The following ANKMY1 variants were observed in gnomAD, a reference collection of about 807,000 sequenced individuals.
ANKMY1 encodes the protein ankyrin repeat and MYND domain containing 1, also known as ankyrin repeat and MYND domain-containing protein 1.
In ANKMY1, 98 loss-of-function variants were observed where a neutral mutation model predicts 102.0. The ratio of observed to expected loss-of-function variants is 0.96; its 90% CI spans 0.82 to 1.14. The LOEUF is 1.14. ANKMY1 is among the 50% of genes most tolerant of loss of function. ANKMY1 has a pLI of 0.00. For synonymous variants in ANKMY1, 582 were observed against 559.9 expected (o/e 1.04, Z -0.56); for missense variants, 1,330 against 1,347.6 (o/e 0.99, Z 0.20).
Position 240,489,387 on chromosome 2 carries a change from G to A in ANKMY1, c.2807-7126C>T, listed in dbSNP as rs143384480. ...AGGGAGAATTGCTTGAACCTGGGAG[G>A]CAGAGGTTGTAGTGAGCTGAGATTG... On this transcript the variant is annotated intron_variant, in intron 15 of 17. Transcript: ENST00000401804. 9.5e-3 allele frequency among the ~76,000 whole-genome samples: 1,450 copies of A among 152,066 alleles called. 15 individuals are homozygous for A. The highest frequency in any genetic ancestry group is 0.033 in the African/African-American group (1,387 of 41,444).
chr2:240,548,597 T>C lies in ANKMY1; in HGVS notation c.480+4317A>G, dbSNP rs1317981790. On this transcript the variant is annotated intron_variant, in intron 4 of 17. Transcript: ENST00000401804. ...TTGTCCCTGTTTGCAGACGACATGA[T>C]TGTATATCTAGAAAACCCCATTGTC... Among the ~76,000 whole-genome samples the C allele has an allele frequency of 4.0e-4, 60 of 151,870 alleles. 2 individuals carry two copies. Among genetic ancestry groups the C allele is most frequent in the Non-Finnish European group, 8.8e-5 (6 of 67,980 alleles).
At position 240,529,181 on chromosome 2, in the gene ANKMY1, G is replaced by A. The variant is rs2084651567; in HGVS notation, c.809C>T (p.Pro270Leu). The change falls in exon 5 of 18, where the codon CCC becomes CTC. Residue 270 changes from proline (P) to leucine (L), a missense_variant. Pro to Leu is a moderately conservative substitution (Grantham distance 98). Coordinates refer to ENST00000401804, the MANE Select transcript of ANKMY1 (RefSeq NM_001282771.3). The surrounding 1 kb of genome is among the most constrained non-coding windows in gnomAD (Gnocchi z 4.2). Reference sequence around the variant, plus strand: ...CTCTTTGCGGAAAGAGCTTGTCATGGGCAGGTGGTCACTGTTGGTCGAGTA... The same window carrying A: ...CTCTTTGCGGAAAGAGCTTGTCATGAGCAGGTGGTCACTGTTGGTCGAGTA... Reference protein sequence around the residue: ...YVYSTNSDHLPMTSSFRKELD... With the variant: ...YVYSTNSDHLLMTSSFRKELD... 1.2e-6 allele frequency: 2 copies of A among 1,614,194 alleles called. No individual in the cohort carries two copies. Among genetic ancestry groups the A allele is most frequent in the Non-Finnish European group, 8.5e-7 (1 of 1,180,034 alleles).
chr2:240,553,326 T>A, intron 3 of ANKMY1: 1 of 462,112 alleles, frequency 2.2e-6, no homozygotes, highest in Non-Finnish European at 4.0e-6. Context: ...CTAGACATCC[T>A]GAGTCAGGAG....
chr2:240,554,567 G>A, intron 3 of ANKMY1: 1 of 325,444 alleles, frequency 3.1e-6, no homozygotes, highest in Non-Finnish European at 5.7e-6. Flanking sequence ...TTTCACCAAG[G>A]TAAATATACG....
intron 8 of ANKMY1, chr2:240,522,021 A>T (rs934072395): frequency 1.3e-5 from 2 of 152,246 alleles, no homozygotes; most frequent in Admixed American, 1.3e-4. Flanking sequence ...TTGTCGCTGC[A>T]GGCTGGTGGG....
chr2:240,473,469 C>A, the ANKMY1 span, among the ~76,000 whole-genome samples: 1 of 101,862 alleles, frequency 9.8e-6, no homozygotes, highest in Admixed American at 9.8e-5. Flanking sequence ...TTAAAACTAA[C>A]CAATTAACCA....
intron 3 of ANKMY1, 196 bp downstream of exon 3, chr2:240,554,670 C>G (rs756111462): frequency 1.8e-5 from 11 of 610,950 alleles, no homozygotes; most frequent in Non-Finnish European, 3.1e-5. Flanking sequence ...TCCTGGGACC[C>G]CAGCAAACCA....
At position 240,529,609 on chromosome 2, in the gene ANKMY1, T is replaced by C; in HGVS notation, c.481-100A>G. The stretch of plus-strand genomic sequence containing the variant: ...AAAGAAATCCCAAAAAAGAAAACTT[T>C]CCCAAGAAATGCATGCATTCAGCCA... On this transcript the variant is annotated intron_variant, in intron 4 of 17. Transcript: ENST00000401804. This position sits in a 1 kb window ranked among gnomAD's most constrained non-coding sequence, Gnocchi z 4.2. 1 of 1,177,990 alleles carries C rather than the reference T, an allele frequency of 8.5e-7. No homozygotes were observed. Among genetic ancestry groups the C allele is most frequent in the Non-Finnish European group, 1.2e-6 (1 of 861,500 alleles). The allele number at this position is 1,177,990 out of a possible 1,614,324, so 73.0% of individuals were successfully genotyped here.
chr2:240,544,188 A>G (rs1208795155), intron 4 of ANKMY1, among the ~76,000 whole-genome samples: 2 of 152,182 alleles, frequency 1.3e-5, no homozygotes, highest in East Asian at 1.9e-4. Context: ...GGAAGGTTAT[A>G]AAGAAAAAAT....
intron 15 of ANKMY1, among the ~76,000 whole-genome samples, chr2:240,483,181 C>G (rs2075637739): frequency 6.6e-6 from 1 of 151,298 alleles, no homozygotes; most frequent in Non-Finnish European, 1.5e-5. Flanking sequence ...CTTTTTGAGA[C>G]AGTCTTGCTC....
chr2:240,519,703 C>A, intron 9 of ANKMY1: 1 of 173,998 alleles, frequency 5.7e-6, no homozygotes, highest in Non-Finnish European at 1.2e-5. Context: ...TTTGAACGAG[C>A]TAAGCCCATA....
At chr2:240,513,072 C>T (rs2080547532) in intron 9 of ANKMY1, 130 bp from the exon 10 acceptor site, 1 of 1,305,296 alleles carries the variant, frequency 7.7e-7, no homozygotes, top group Admixed American at 2.5e-5. Context: ...CCTCACCTGC[C>T]TCACAACGTG....
chr2:240,480,634 G>A (rs2075270683), intron 17 of ANKMY1, among the ~76,000 whole-genome samples: 1 of 152,160 alleles, frequency 6.6e-6, no homozygotes, highest in Non-Finnish European at 1.5e-5. Flanking sequence ...TAGGAGTTCA[G>A]TGAAGCTCCC....
downstream of ANKMY1, among the ~76,000 whole-genome samples, chr2:240,477,597 G>A (rs2074940337): frequency 6.6e-6 from 1 of 152,038 alleles, no homozygotes; most frequent in Non-Finnish European, 1.5e-5. Context: ...ATGTTGCCCA[G>A]GCTGGTCTGG....
intron 15 of ANKMY1, among the ~76,000 whole-genome samples, chr2:240,486,064 T>C (rs1559231260): frequency 6.6e-6 from 1 of 152,234 alleles, no homozygotes; most frequent in Non-Finnish European, 1.5e-5. Context: ...TATTACTTTA[T>C]ATAATTTTAT....
At chr2:240,491,112 C>A (rs1265460735) in intron 15 of ANKMY1, among the ~76,000 whole-genome samples, 1 of 120,246 alleles carries the variant, frequency 8.3e-6, no homozygotes, top group African/African-American at 3.2e-5. Flanking sequence ...TTTTTTTACT[C>A]TTCCTGACTT....
At position 240,523,761 on chromosome 2, in the gene ANKMY1, T is replaced by A. The variant is rs373344220; in HGVS notation, c.1832+124A>T. 5 of 1,417,998 alleles carry A rather than the reference T, an allele frequency of 3.5e-6. No individual in the cohort carries two copies. The East Asian group carries it at 7.4e-5, about 21-fold the overall frequency. 87.8% of individuals were successfully genotyped at this position (1,417,998 alleles called of 1,614,324 possible). The stretch of plus-strand genomic sequence containing the variant: ...CCACCGACACAGGGATGCTCACACA[T>A]TCAGACACACATCTCCAGACACAAC... On this transcript the variant is annotated intron_variant, in intron 8 of 17. Transcript: ENST00000401804.
chr2:240,478,959 C>T (rs189112496), downstream of ANKMY1, among the ~76,000 whole-genome samples: 649 of 152,304 alleles, frequency 4.3e-3, 5 homozygotes, highest in African/African-American at 0.015. Flanking sequence ...CGCATCTTCC[C>T]CTGCCCTCTC....
intron 12 of ANKMY1, 195 bp from the exon 13 acceptor site, chr2:240,507,886 G>C: frequency 1.8e-6 from 1 of 554,546 alleles, no homozygotes. Context: ...ATGATGCTGG[G>C]CGGGGAGGGG....
Sources: gnomAD v4.1 joint callset for allele counts (sites outside exome capture counted in the v4.1 genomes callset) on GRCh38, gnomAD v4.1.1 for gene constraint, Gnocchi (gnomAD v3.1) non-coding constraint, MANE v1.5 for transcripts, NCBI Gene and HGNC (gene_info 2026-07-23, HGNC 2026-07-21) for gene names.